Variants in HEATR3 observed in about 807,000 individuals in gnomAD.
The protein encoded by HEATR3 is HEAT repeat containing 3, also known as HEAT repeat-containing protein 3.
In HEATR3, 56 loss-of-function variants were observed where a neutral mutation model predicts 72.8. That is an observed-to-expected ratio of 0.77 (90% confidence interval 0.62 to 0.96). HEATR3 has a LOEUF of 0.96. HEATR3 is among the 40% of genes least tolerant of loss of function. The probability of loss-of-function intolerance (pLI) is 0.00; values close to 1 mark genes in which losing one functional copy is unlikely to be tolerated. For missense variants in HEATR3, 747 were observed against 831.4 expected, an observed-to-expected ratio of 0.90 and a Z score of 1.25; for synonymous variants, 331 against 318.1, an observed-to-expected ratio of 1.04 and a Z score of -0.43.
chr16:50,079,211 G>C (rs2036812288), intron 7 of HEATR3, among the ~76,000 whole-genome samples, 193 bp downstream of exon 7: 1 of 152,108 alleles, frequency 6.6e-6, no homozygotes. Context: ...AAAATCTCTT[G>C]TCTAAAGTGA....
At chr16:50,102,536 G>A (rs1020675126) in intron 14 of HEATR3, 101 bp downstream of exon 14, 8 of 1,000,650 alleles carry the variant, frequency 8.0e-6, no homozygotes, top group East Asian at 4.8e-5. Flanking sequence ...TGTGCATGAC[G>A]AATCCCCATA....
chr16:50,075,481 T>C (rs941209444), intron 5 of HEATR3, 90 bp from the exon 6 acceptor site: 6 of 1,209,072 alleles, frequency 5.0e-6, no homozygotes, highest in Non-Finnish European at 7.1e-6. Flanking sequence ...GAAGTGGTAA[T>C]GATACAATGT....
At chr16:50,071,544 A>G (rs1218229641) in intron 4 of HEATR3, among the ~76,000 whole-genome samples, 2 of 152,220 alleles carry the variant, frequency 1.3e-5, no homozygotes, top group African/African-American at 2.4e-5. Context: ...CTCTTTTCTG[A>G]ATACCTATGA....
chr16:50,097,873 C>T (rs61600583), intron 12 of HEATR3, among the ~76,000 whole-genome samples: 1 of 150,024 alleles, frequency 6.7e-6, no homozygotes, highest in East Asian at 2.0e-4. Context: ...CAAGATTGCA[C>T]TGCACTCCAG....
In HEATR3 at chr16:50,107,178, T is replaced by C. The variant is rs1286459835; in HGVS notation, c.*2117T>C. Among the ~76,000 whole-genome samples the C allele has an allele frequency of 1.3e-5, 2 of 152,210 alleles. No homozygotes were observed. The highest frequency in any genetic ancestry group is 2.9e-5 in the Non-Finnish European group (2 of 68,034). On this transcript the variant is annotated 3_prime_UTR_variant, in exon 15 of 15. Coordinates refer to ENST00000299192, the MANE Select transcript of HEATR3 (RefSeq NM_182922.4). Reference sequence around the variant, plus strand: ...ATTCTTCCCCACAGTTTCTGACCTATAAACAATATCCAGGATATTTAGCAC... The same window carrying C: ...ATTCTTCCCCACAGTTTCTGACCTACAAACAATATCCAGGATATTTAGCAC...
chr16:50,079,128 C>T (rs1021554734), intron 7 of HEATR3, 110 bp downstream of exon 7: 16 of 1,071,754 alleles, frequency 1.5e-5, no homozygotes, highest in South Asian at 6.5e-5. Flanking sequence ...CTATAAAGTG[C>T]GTTTTGGTAA....
chr16:50,066,305 C>G (rs769213576), intron 1 of HEATR3, 36 bp downstream of exon 1: 3 of 1,569,902 alleles, frequency 1.9e-6, no homozygotes, highest in South Asian at 2.3e-5. Flanking sequence ...GGAGGCGAGA[C>G]GAGGTTGCCC....
At chr16:50,072,831 G>A (rs2036643402) in intron 5 of HEATR3, 117 bp downstream of exon 5, 2 of 685,886 alleles carry the variant, frequency 2.9e-6, no homozygotes, top group South Asian at 1.6e-5. Flanking sequence ...GTATGTGAAT[G>A]TGTAGCTCAG....
chr16:50,070,234 CAG>C lies in HEATR3; in HGVS notation c.458_459del (p.Arg153LysfsTer4). ...CTCTGCAGGAGAAAAAAGATCAGAA[CAG>C]AAATTCTATTGAGAACATAGCCAAT... ...MSLQEKKDQN[R>X]NSIENIANET... On this transcript the variant is annotated frameshift_variant, in exon 4 of 15. Transcript: ENST00000299192. LOFTEE classifies it high-confidence loss of function. 6.2e-7 allele frequency: 1 copy of C among 1,610,770 alleles called. No individual in the cohort carries two copies. Among genetic ancestry groups the C allele is most frequent in the Non-Finnish European group, 8.5e-7 (1 of 1,177,828 alleles).
intron 11 of HEATR3, among the ~76,000 whole-genome samples, chr16:50,090,838 G>A (rs8062668): frequency 0.91 from 138,628 of 152,276 alleles, 63,210 homozygotes; most frequent in Middle Eastern, 0.94. Context: ...ATTCCATATC[G>A]GAATATTGAA....
Position 50,094,698 on chromosome 16 carries a change from G to A in HEATR3, c.1511-7G>A. On this transcript the variant is annotated splice_polypyrimidine_tract_variant and splice_region_variant and intron_variant, in intron 11 of 14. Coordinates refer to ENST00000299192, the MANE Select transcript of HEATR3 (RefSeq NM_182922.4). ...TGCAAATTTTATATTTCATTTTTGT[G>A]TTTTAGATTTTGCTAAACATGTTGA... 2 of 1,530,704 alleles carry A rather than the reference G, an allele frequency of 1.3e-6. No individual in the cohort carries two copies. Among genetic ancestry groups the A allele is most frequent in the Non-Finnish European group, 1.8e-6 (2 of 1,138,224 alleles). The allele number at this position is 1,530,704 out of a possible 1,614,324, so 94.8% of individuals were successfully genotyped here.
chr16:50,080,706 A>G (rs2150605889), intron 7 of HEATR3, among the ~76,000 whole-genome samples: 1 of 152,238 alleles, frequency 6.6e-6, no homozygotes, highest in East Asian at 1.9e-4. Flanking sequence ...TCTGGTCTCA[A>G]GCGATCTTCC....
intron 7 of HEATR3, among the ~76,000 whole-genome samples, chr16:50,082,257 C>T (rs745849382): frequency 6.6e-6 from 1 of 151,978 alleles, no homozygotes; most frequent in Non-Finnish European, 1.5e-5. Flanking sequence ...ACATGAGAAT[C>T]GCTTGAACCC....
At chr16:50,091,394 G>A (rs2037106851) in intron 11 of HEATR3, among the ~76,000 whole-genome samples, 1 of 151,898 alleles carries the variant, frequency 6.6e-6, no homozygotes, top group Non-Finnish European at 1.5e-5. Context: ...TTGAACCCGG[G>A]AGGCAGAGGT....
At chr16:50,076,044 T>C (rs1213964383) in intron 6 of HEATR3, among the ~76,000 whole-genome samples, 1 of 152,144 alleles carries the variant, frequency 6.6e-6, no homozygotes, top group East Asian at 1.9e-4. Flanking sequence ...CACCAACTCT[T>C]TTCTCTGCAG....
In HEATR3 at chr16:50,093,511, G is replaced by A. The variant is rs376014197; in HGVS notation, c.1511-1194G>A. Among the ~76,000 whole-genome samples the A allele has an allele frequency of 3.5e-3, 535 of 152,270 alleles. 2 individuals carry two copies. The highest frequency in any genetic ancestry group is 0.012 in the African/African-American group (500 of 41,552). Reference sequence around the variant, plus strand: ...TTTTACAACTTGGAAATTGCAACTGGTGTCTAGAGGGTTGAGGCCAGGAAT... The same window carrying A: ...TTTTACAACTTGGAAATTGCAACTGATGTCTAGAGGGTTGAGGCCAGGAAT... On this transcript the variant is annotated intron_variant, in intron 11 of 14. Transcript: ENST00000299192.
intron 3 of HEATR3, chr16:50,069,129 T>C (rs1391779064): frequency 7.0e-6 from 2 of 285,292 alleles, no homozygotes; most frequent in Non-Finnish European, 1.3e-5. Context: ...ACAATAAAAA[T>C]AATTAGTATT....
intron 4 of HEATR3, among the ~76,000 whole-genome samples, chr16:50,072,053 G>A (rs1187969275): frequency 1.3e-5 from 2 of 152,064 alleles, no homozygotes; most frequent in Non-Finnish European, 2.9e-5. Context: ...TCCTTTAAAT[G>A]TGTGTTTTTG....
chr16:50,066,566 G>T (rs1005261687), intron 2 of HEATR3, 27 bp downstream of exon 2: 1 of 1,275,538 alleles, frequency 7.8e-7, no homozygotes, highest in Non-Finnish European at 9.9e-7. Context: ...GCGGGGCGGT[G>T]CCCACCGCTG....
Sources: allele counts gnomAD v4.1 joint callset (sites outside exome capture counted in the v4.1 genomes callset), GRCh38; gene constraint gnomAD v4.1.1; transcripts MANE v1.5; gene names NCBI Gene and HGNC (gene_info 2026-07-23, HGNC 2026-07-21).